The following TMTC1 variants were observed in gnomAD, a reference collection of about 807,000 sequenced individuals.
The protein encoded by TMTC1 is protein O-mannosyl-transferase TMTC1.
Under a neutral mutation model 104.8 loss-of-function variants are expected in TMTC1, and 73 were observed. The ratio of observed to expected loss-of-function variants is 0.70; its 90% CI spans 0.58 to 0.85. The LOEUF is 0.85. Among genes scored for constraint, TMTC1 ranks in the 40% least tolerant of loss-of-function variants. TMTC1 has a pLI of 0.00. For missense variants in TMTC1, 1,035 were observed against 1,096.1 expected (o/e 0.94, Z 0.79); for synonymous variants, 434 against 428.7 (o/e 1.01, Z -0.15).
At position 29,589,283 on chromosome 12, in the gene TMTC1, C is replaced by T. The variant is rs113863340; in HGVS notation, c.1251-5709G>A. Among the ~76,000 whole-genome samples the T allele has an allele frequency of 9.2e-3, 1,400 of 152,268 alleles. 20 individuals are homozygous for T. The highest frequency in any genetic ancestry group is 0.032 in the African/African-American group (1,326 of 41,548). On this transcript the variant is annotated intron_variant, in intron 7 of 17. Transcript: ENST00000539277. ...CACCTTTGGAGAAAGGCACAGACTG[C>T]AGATTGTTTCTGTGATTCTGTGTTC...
At chr12:29,613,885 T>G (rs1946910515) in intron 6 of TMTC1, 3 of 939,742 alleles carry the variant, frequency 3.2e-6, no homozygotes, top group Non-Finnish European at 3.8e-6. Context: ...ATGTTTTACT[T>G]TTTCACAAAG....
At chr12:29,784,239 T>A (rs1211401082), upstream of TMTC1, 1 of 152,494 alleles carries the variant, frequency 6.6e-6, no homozygotes, top group African/African-American at 2.4e-5. Context: ...AAGGGGCACA[T>A]CTGGCGGACC....
rs1939396737 is a variant in TMTC1, at chr12:29,648,969, C to T, written c.939-15633G>A. ...AGTAGCCATATGGGGCCCGCAGCTC[C>T]TCTGGTGGACTGCAAGGATCTGGAC... On this transcript the variant is annotated intron_variant, in intron 5 of 17. Coordinates refer to ENST00000539277, the MANE Select transcript of TMTC1 (RefSeq NM_001193451.2). Among the ~76,000 whole-genome samples, 4 of 152,096 alleles carry T rather than the reference C, an allele frequency of 2.6e-5. No individual in the cohort carries two copies. The South Asian group carries it at 8.3e-4, about 32-fold the overall frequency.
intron 5 of TMTC1, among the ~76,000 whole-genome samples, chr12:29,649,651 C>A (rs1157340109): frequency 1.3e-5 from 2 of 152,228 alleles, no homozygotes; most frequent in Non-Finnish European, 2.9e-5. Flanking sequence ...TAAATTCCAT[C>A]ATTCCCAAGG....
intron 11 of TMTC1, 144 bp from the exon 12 acceptor site, chr12:29,520,864 T>C (rs1944131752): frequency 1.7e-5 from 11 of 635,642 alleles, no homozygotes; most frequent in Admixed American, 5.9e-5. Context: ...TAAGGCACTA[T>C]GAACTTTGTT....
At chr12:29,693,748 T>A (rs1161989954) in intron 5 of TMTC1, among the ~76,000 whole-genome samples, 1 of 152,180 alleles carries the variant, frequency 6.6e-6, no homozygotes, top group Non-Finnish European at 1.5e-5. Flanking sequence ...GTATGACAAG[T>A]CTCTATTCAG....
chr12:29,542,128 G>A (rs534177152), intron 10 of TMTC1, among the ~76,000 whole-genome samples: 1 of 152,234 alleles, frequency 6.6e-6, no homozygotes, highest in East Asian at 1.9e-4. Context: ...TATATTGAAA[G>A]GCCAGAGTTA....
chr12:29,604,750 C>T (rs893230960), intron 6 of TMTC1, among the ~76,000 whole-genome samples: 4 of 152,052 alleles, frequency 2.6e-5, no homozygotes, highest in Admixed American at 2.6e-4. Context: ...AAAAATTCAC[C>T]AGGAGAAGCA....
rs1943623404 is a variant in TMTC1, at chr12:29,502,802, T to A, written c.*4044A>T. On this transcript the variant is annotated 3_prime_UTR_variant, in exon 18 of 18. Coordinates refer to ENST00000539277, the MANE Select transcript of TMTC1 (RefSeq NM_001193451.2). ...TCAGCCCTGTAGTGGTTCTCCAGCC[T>A]AGCTGCACATAAGAAGCATCACCAG... The A allele has an allele frequency of 6.6e-6, 1 of 152,196 alleles. No individual in the cohort carries two copies. Among genetic ancestry groups the A allele is most frequent in the Non-Finnish European group, 1.5e-5 (1 of 68,028 alleles). The allele number at this position is 152,196 out of a possible 1,614,324, so 9.4% of individuals were successfully genotyped here. A position where few individuals can be genotyped will look rare whatever the true frequency, so the allele number is the denominator to read the frequency against.
At chr12:29,690,093 C>T (rs1941221010) in intron 5 of TMTC1, among the ~76,000 whole-genome samples, 1 of 152,106 alleles carries the variant, frequency 6.6e-6, no homozygotes, top group South Asian at 2.1e-4. Flanking sequence ...GAAACCAATC[C>T]CTGCTATAAT....
chr12:29,516,136 T>C (rs1393119604), intron 15 of TMTC1, among the ~76,000 whole-genome samples: 1 of 152,096 alleles, frequency 6.6e-6, no homozygotes, highest in Non-Finnish European at 1.5e-5. Flanking sequence ...CATAAAAGCT[T>C]TACACCAAAG....
intron 17 of TMTC1, among the ~76,000 whole-genome samples, chr12:29,507,641 C>T (rs1943729191): frequency 1.3e-5 from 2 of 152,172 alleles, no homozygotes; most frequent in Non-Finnish European, 2.9e-5. Flanking sequence ...ACAACTGTCC[C>T]CACCCTCTGT....
chr12:29,593,512 CA>C (rs756990518), intron 7 of TMTC1, among the ~76,000 whole-genome samples: 5 of 152,080 alleles, frequency 3.3e-5, no homozygotes, highest in African/African-American at 4.8e-5. Context: ...TTATTTGCTT[CA>C]AAAAGGTTTG....
chr12:29,662,543 G>A (rs940379318), intron 5 of TMTC1, among the ~76,000 whole-genome samples: 12 of 151,920 alleles, frequency 7.9e-5, no homozygotes, highest in African/African-American at 2.7e-4. Context: ...CCAGCTACTC[G>A]GAAGGCTGAG....
intron 8 of TMTC1, among the ~76,000 whole-genome samples, chr12:29,582,597 G>A (rs749780878): frequency 6.6e-6 from 1 of 152,188 alleles, no homozygotes; most frequent in Middle Eastern, 3.2e-3. Flanking sequence ...GGTGTGCCGG[G>A]TTCTTCACTT....
chr12:29,523,626 T>C (rs890011309), intron 11 of TMTC1, among the ~76,000 whole-genome samples: 24 of 152,154 alleles, frequency 1.6e-4, no homozygotes, highest in Non-Finnish European at 1.9e-4. Context: ...GATTTCACTC[T>C]ACCACTATCG....
intron 6 of TMTC1, among the ~76,000 whole-genome samples, chr12:29,622,556 A>G (rs762827131): frequency 6.6e-6 from 1 of 152,192 alleles, no homozygotes; most frequent in Non-Finnish European, 1.5e-5. Flanking sequence ...TGGGGCATAC[A>G]CACTCACTAT....
intron 5 of TMTC1, among the ~76,000 whole-genome samples, chr12:29,741,205 A>G (rs1942815591): frequency 6.6e-6 from 1 of 152,216 alleles, no homozygotes; most frequent in Non-Finnish European, 1.5e-5. Context: ...CAAAGACTTA[A>G]GTAGGCAAAA....
intron 10 of TMTC1, among the ~76,000 whole-genome samples, chr12:29,546,708 G>A (rs1290012974): frequency 2.6e-5 from 4 of 152,110 alleles, no homozygotes; most frequent in Non-Finnish European, 4.4e-5. Flanking sequence ...TATGCAGAAA[G>A]AAATTTTCAA....
Sources: allele counts gnomAD v4.1 joint callset (sites outside exome capture counted in the v4.1 genomes callset), GRCh38; gene constraint gnomAD v4.1.1; transcripts MANE v1.5; gene names NCBI Gene and HGNC (gene_info 2026-07-23, HGNC 2026-07-21).